Variants in HERC2 observed in about 807,000 individuals in gnomAD.
HERC2 encodes the protein HECT and RLD domain containing E3 ubiquitin protein ligase 2, also known as E3 ubiquitin-protein ligase HERC2.
Under a neutral mutation model 537.7 loss-of-function variants are expected in HERC2, and 102 were observed. The observed-to-expected ratio is 0.19, with a 90% CI of 0.16 to 0.22. The LOEUF (loss-of-function observed/expected upper bound fraction) is 0.22, where lower values mean the gene tolerates loss of function less well. Ranked by LOEUF, HERC2 falls within the 10% of genes least tolerant of loss-of-function variation. The pLI is 1.00. For missense variants in HERC2, 4,236 were observed against 6,198.2 expected, an observed-to-expected ratio of 0.68 and a Z score of 10.63; for synonymous variants, 2,224 against 2,466.2, an observed-to-expected ratio of 0.90 and a Z score of 2.91.
chr15:28,116,604 T>C (rs2142055109), intron 88 of HERC2, 61 bp downstream of exon 88: 1 of 1,446,094 alleles, frequency 6.9e-7, no homozygotes, highest in Non-Finnish European at 9.4e-7. Context: ...AGATAGTACA[T>C]TTTAACTCAA....
At chr15:28,209,672 G>C (rs923687002) in intron 44 of HERC2, among the ~76,000 whole-genome samples, 33 of 152,230 alleles carry the variant, frequency 2.2e-4, no homozygotes, top group South Asian at 6.2e-4. Context: ...TAAAGTATTT[G>C]GGAGGATGTA....
At chr15:28,292,463 G>T (rs1567127395) in intron 4 of HERC2, among the ~76,000 whole-genome samples, 2 of 152,036 alleles carry the variant, frequency 1.3e-5, no homozygotes, top group African/African-American at 2.4e-5. Context: ...TTAGTATACC[G>T]CTGCAAGAAT....
chr15:28,147,657 A>G (rs1471131361), intron 70 of HERC2, among the ~76,000 whole-genome samples: 1 of 152,100 alleles, frequency 6.6e-6, no homozygotes, highest in Non-Finnish European at 1.5e-5. Flanking sequence ...ACCTCATTCT[A>G]AAAGTTGAAG....
intron 26 of HERC2, among the ~76,000 whole-genome samples, chr15:28,236,649 A>G (rs1294541440): frequency 1.3e-5 from 2 of 151,912 alleles, no homozygotes; most frequent in East Asian, 3.9e-4. Context: ...GTGCAGTGGT[A>G]TGATCATGAC....
In HERC2 at chr15:28,206,701, C is replaced by T. The variant is rs547506255; in HGVS notation, c.7070-319G>A. On this transcript the variant is annotated intron_variant, in intron 44 of 92. Coordinates refer to ENST00000261609, the MANE Select transcript of HERC2 (RefSeq NM_004667.6). ...ACAAAACATTAGCTGGGCATGGTGGCGGGCGCCTGTAGTCCCAGCTACTTG... is the reference window on the plus strand; with the variant it reads ...ACAAAACATTAGCTGGGCATGGTGGTGGGCGCCTGTAGTCCCAGCTACTTG... 8.0e-4 allele frequency among the ~76,000 whole-genome samples: 121 copies of T among 151,020 alleles called. No homozygotes were observed. In the East Asian group the frequency reaches 0.015, roughly 19 times the overall value.
At chr15:28,189,524 T>C (rs1306861726) in intron 55 of HERC2, among the ~76,000 whole-genome samples, 1 of 152,250 alleles carries the variant, frequency 6.6e-6, no homozygotes, top group Non-Finnish European at 1.5e-5. Context: ...TTTTTATAGT[T>C]TGCCAATTTC....
At chr15:28,158,065 C>T (rs1431707612) in intron 69 of HERC2, among the ~76,000 whole-genome samples, 1 of 152,178 alleles carries the variant, frequency 6.6e-6, no homozygotes, top group African/African-American at 2.4e-5. Flanking sequence ...TTTCTTAATC[C>T]TGAGTTCTAG....
At chr15:28,117,191 C>T (rs200086275) in intron 86 of HERC2, 37 bp from the exon 87 acceptor site, 1 of 1,607,864 alleles carries the variant, frequency 6.2e-7, no homozygotes, top group Non-Finnish European at 8.5e-7. Flanking sequence ...GAGGCCGCTG[C>T]CGCAGCAGGA....
intron 16 of HERC2, among the ~76,000 whole-genome samples, chr15:28,257,759 T>G (rs2075304826): frequency 6.6e-6 from 1 of 150,772 alleles, no homozygotes. Context: ...TTTTTTTTTT[T>G]GAGACAGAGT....
chr15:28,249,945 A>G (rs561500908), intron 20 of HERC2, among the ~76,000 whole-genome samples: 140 of 151,544 alleles, frequency 9.2e-4, no homozygotes, highest in Middle Eastern at 3.4e-3. Context: ...GTGAGCCACC[A>G]CGCCCGGCCT....
intron 42 of HERC2, 151 bp from the exon 43 acceptor site, chr15:28,212,734 A>C: frequency 1.1e-6 from 1 of 871,038 alleles, no homozygotes; most frequent in African/African-American, 1.7e-5. Context: ...TTAAAATGAC[A>C]TTAAAGGCAG....
At chr15:28,245,776 T>C (rs1261960772) in intron 23 of HERC2, 105 bp downstream of exon 23, 3 of 1,056,472 alleles carry the variant, frequency 2.8e-6, no homozygotes, top group African/African-American at 1.6e-5. Context: ...TCAGTAGAAA[T>C]GGCAAATCTT....
chr15:28,211,601 C>T (rs1426158275), intron 43 of HERC2, among the ~76,000 whole-genome samples: 1 of 152,068 alleles, frequency 6.6e-6, no homozygotes. Flanking sequence ...GCACAGAGAG[C>T]ATGGGGTGGG....
In HERC2 at chr15:28,246,800, A is replaced by G. The variant is rs781363780; in HGVS notation, c.3333T>C (p.Ala1111=). 1 of 1,610,382 alleles carries G rather than the reference A, an allele frequency of 6.2e-7. No individual in the cohort carries two copies. Among genetic ancestry groups the G allele is most frequent in the Non-Finnish European group, 8.5e-7 (1 of 1,178,554 alleles). ...GDILPVAASI[A]STSWRHFAEV... ...CCGCGAAGTGCCGCCAGCTGGTAGA[A>G]GCAATGCTGGCGGCCACAGGCAGTA... The change falls in exon 22 of 93, where the codon GCT becomes GCC. Residue 1111 remains alanine, a synonymous_variant. Coordinates refer to ENST00000261609, the MANE Select transcript of HERC2 (RefSeq NM_004667.6).
chr15:28,192,016 G>T lies in HERC2; in HGVS notation c.8396C>A (p.Ser2799Tyr), dbSNP rs541680935. 42 of 1,614,002 alleles carry T rather than the reference G, an allele frequency of 2.6e-5. No homozygotes were observed. The South Asian group carries it at 4.4e-4, about 17-fold the overall frequency. Residue 2799 changes from serine (S) to tyrosine (Y), a missense_variant, in exon 53 of 93, where the codon TCC becomes TAC. By Grantham distance (144) the Ser-to-Tyr change is moderately radical (BLOSUM62 -2). Around this residue, in one of 27 missense-constraint regions of HERC2, gnomAD observed 606 missense variants for 884.5 expected, o/e 0.69. Coordinates refer to ENST00000261609, the MANE Select transcript of HERC2 (RefSeq NM_004667.6). ...GGGCTCGCTGCCGTCAATGAGACGG[G>T]ATGCCTGGTTCACGGAGGACGACAC... ...LNVSSSVNQA[S>Y]RLIDGSEPCW...
At chr15:28,134,802 C>T (rs1890454638) in intron 79 of HERC2, among the ~76,000 whole-genome samples, 1 of 149,996 alleles carries the variant, frequency 6.7e-6, no homozygotes, top group Non-Finnish European at 1.5e-5. Flanking sequence ...TCCCGAGAAG[C>T]TGGGACTACA....
chr15:28,295,257 G>GT (rs1253343264), intron 3 of HERC2, among the ~76,000 whole-genome samples: 2 of 144,372 alleles, frequency 1.4e-5, no homozygotes, highest in Non-Finnish European at 3.0e-5. Flanking sequence ...CACAGCTCAG[G>GT]TGAGAACACA....
chr15:28,198,259 A>C, intron 50 of HERC2, 119 bp downstream of exon 50: 1 of 1,173,264 alleles, frequency 8.5e-7, no homozygotes, highest in South Asian at 1.5e-5. Context: ...GCAAAGGAAC[A>C]CTCTATCTTT....
intron 10 of HERC2, among the ~76,000 whole-genome samples, chr15:28,270,191 TTTTA>T (rs1489390754): frequency 1.3e-5 from 2 of 151,864 alleles, no homozygotes; most frequent in Admixed American, 6.6e-5. Context: ...AACCCACTCT[TTTTA>T]TTTATTTATA....
Sources: gnomAD v4.1 joint callset for allele counts (sites outside exome capture counted in the v4.1 genomes callset) on GRCh38, gnomAD v4.1.1 for gene constraint, gnomAD v4.1.1 regional missense constraint, MANE v1.5 for transcripts, NCBI Gene and HGNC (gene_info 2026-07-23, HGNC 2026-07-21) for gene names.